LARP1: variants seen among roughly 807,000 people sequenced by gnomAD.
LARP1 encodes the protein La ribonucleoprotein 1, translational regulator.
In LARP1, 36 loss-of-function variants were observed where a neutral mutation model predicts 122.7. That is an observed-to-expected ratio of 0.29 (90% confidence interval 0.22 to 0.39). The LOEUF (loss-of-function observed/expected upper bound fraction) is 0.39, where lower values mean the gene tolerates loss of function less well. LARP1 is among the 10% of genes least tolerant of loss of function. The pLI, the probability that LARP1 is intolerant of heterozygous loss-of-function variation, is 1.00. For missense variants in LARP1, 1,040 were observed against 1,403.6 expected, an observed-to-expected ratio of 0.74 and a Z score of 4.14; for synonymous variants, 539 against 528.7, an observed-to-expected ratio of 1.02 and a Z score of -0.27.
chr5:154,721,718 C>T (rs1309325587), intron 1 of LARP1, among the ~76,000 whole-genome samples: 3 of 152,138 alleles, frequency 2.0e-5, no homozygotes, highest in African/African-American at 7.2e-5. Context: ...TTCTCATTTG[C>T]AAGACAGAGA....
chr5:154,798,714 G>A (rs968420612), intron 8 of LARP1, among the ~76,000 whole-genome samples: 27 of 152,226 alleles, frequency 1.8e-4, no homozygotes, highest in African/African-American at 6.5e-4. Context: ...GGCTGGTCTT[G>A]AACTCCTTTG....
At chr5:154,767,043 T>TC (rs1561581312) in intron 1 of LARP1, among the ~76,000 whole-genome samples, 1 of 152,184 alleles carries the variant, frequency 6.6e-6, no homozygotes, top group East Asian at 1.9e-4. Flanking sequence ...TTGAAACTGC[T>TC]CCCACTACAG....
At chr5:154,712,815 C>G (rs115384757), upstream of LARP1, 359 of 967,376 alleles carry the variant, frequency 3.7e-4, 1 homozygote, top group African/African-American at 5.2e-3. Context: ...GGAAGGAAAA[C>G]TAGCCTGGCA....
In LARP1 at chr5:154,793,803, C is replaced by T. The variant is rs151100873; in HGVS notation, c.872C>T (p.Ser291Phe). ...IPANRGEIKGSESATYVPVAP... is the reference protein window; with the variant it reads ...IPANRGEIKGFESATYVPVAP... The stretch of plus-strand genomic sequence containing the variant: ...CCTGGTACCCCTCTCCCCATAGGGT[C>T]TGAGTCTGCCACCTACGTGCCCGTG... The change falls in exon 6 of 19, where the codon TCT (serine) becomes TTT (phenylalanine). Residue 291 changes from serine (S) to phenylalanine (F), a missense_variant. By Grantham distance (155) the Ser-to-Phe change is radical (BLOSUM62 -2). Transcript: ENST00000518297. 4 of 1,614,056 alleles carry T rather than the reference C, an allele frequency of 2.5e-6. No homozygotes were observed. The African/African-American group carries it at 5.3e-5, about 22-fold the overall frequency.
At chr5:154,695,884 A>C (rs1754449638) in intron 1 of LARP1, among the ~76,000 whole-genome samples, 1 of 152,066 alleles carries the variant, frequency 6.6e-6, no homozygotes, top group Non-Finnish European at 1.5e-5. Flanking sequence ...AAAAAAAAAA[A>C]ATTACAATAT....
chr5:154,803,006 G>C lies in LARP1; in HGVS notation c.2110-284G>C, dbSNP rs922696772. Among the ~76,000 whole-genome samples the C allele has an allele frequency of 2.6e-5, 4 of 152,272 alleles. No individual in the cohort carries two copies. The highest frequency in any genetic ancestry group is 1.9e-4 in the East Asian group (1 of 5,174). The stretch of plus-strand genomic sequence containing the variant: ...GATGGGGAAACACTGGAGCTTTCAG[G>C]GGGGAGTGTGTAGTGAGTTCCTGAG... On this transcript the variant is annotated intron_variant, in intron 11 of 18. Coordinates refer to ENST00000518297, the MANE Select transcript of LARP1 (RefSeq NM_033551.3). The surrounding 1 kb of genome is among the most constrained non-coding windows in gnomAD (Gnocchi z 4.4).
intron 18 of LARP1, among the ~76,000 whole-genome samples, chr5:154,812,517 C>T (rs868129535): frequency 2.0e-5 from 1 of 50,430 alleles, no homozygotes; most frequent in Non-Finnish European, 3.7e-5. Context: ...CCCCCCCCCC[C>T]ACCCCCCCTT....
chr5:154,808,062 T>C (rs907046466), intron 15 of LARP1, among the ~76,000 whole-genome samples: 1 of 152,230 alleles, frequency 6.6e-6, no homozygotes, highest in Admixed American at 6.5e-5. Flanking sequence ...TATTACTGTT[T>C]TGTACTTGTG....
chr5:154,733,585 C>T (rs900888401), intron 1 of LARP1, among the ~76,000 whole-genome samples: 8 of 148,702 alleles, frequency 5.4e-5, no homozygotes, highest in Non-Finnish European at 1.5e-5. Flanking sequence ...TTTTTGGAGA[C>T]GGAGTCTCAC....
intron 1 of LARP1, among the ~76,000 whole-genome samples, chr5:154,765,765 C>T (rs780064906): frequency 6.6e-6 from 1 of 152,162 alleles, no homozygotes; most frequent in Non-Finnish European, 1.5e-5. Flanking sequence ...ATTCCCAGTA[C>T]CTGCAGCAGT....
At chr5:154,771,069 G>A (rs554619875) in intron 1 of LARP1, among the ~76,000 whole-genome samples, 18 of 149,954 alleles carry the variant, frequency 1.2e-4, no homozygotes, top group African/African-American at 4.2e-4. Context: ...CCAAGATCGC[G>A]CCACTGCCCT....
intron 1 of LARP1, among the ~76,000 whole-genome samples, chr5:154,764,760 C>T (rs1470891802): frequency 6.6e-6 from 1 of 151,658 alleles, no homozygotes. Context: ...CAAAAAGTAG[C>T]TGGGCGTCAT....
chr5:154,732,959 G>T (rs539681676), intron 1 of LARP1, among the ~76,000 whole-genome samples: 2 of 152,256 alleles, frequency 1.3e-5, no homozygotes, highest in African/African-American at 4.8e-5. Context: ...CCTGGGAGGA[G>T]GGTATGTGTC....
intron 1 of LARP1, among the ~76,000 whole-genome samples, chr5:154,693,554 C>A (rs1387400551): frequency 1.3e-5 from 2 of 152,052 alleles, no homozygotes; most frequent in Admixed American, 1.3e-4. Flanking sequence ...TTGAATTGCC[C>A]AGATGAAAGT....
At chr5:154,742,318 T>C (rs1212488004) in intron 1 of LARP1, among the ~76,000 whole-genome samples, 2 of 152,148 alleles carry the variant, frequency 1.3e-5, no homozygotes, top group Non-Finnish European at 1.5e-5. Flanking sequence ...TCCCAGCACA[T>C]TGGGAGGCCA....
intron 18 of LARP1, among the ~76,000 whole-genome samples, 193 bp from the exon 19 acceptor site, chr5:154,813,694 T>A (rs1376279849): frequency 6.6e-6 from 1 of 152,172 alleles, no homozygotes; most frequent in East Asian, 1.9e-4. Flanking sequence ...GCTGACCCCA[T>A]GAGAGAGTGT....
intron 1 of LARP1, among the ~76,000 whole-genome samples, chr5:154,747,684 A>T (rs186914122): frequency 6.6e-6 from 1 of 152,122 alleles, no homozygotes; most frequent in Admixed American, 6.5e-5. Context: ...TGGGCAACAA[A>T]AGCGAAAATC....
chr5:154,803,827 T>C lies in LARP1; in HGVS notation c.2439+82T>C. 2 of 1,395,756 alleles carry C rather than the reference T, an allele frequency of 1.4e-6. No homozygotes were observed. Among genetic ancestry groups the C allele is most frequent in the Non-Finnish European group, 2.0e-6 (2 of 995,900 alleles). 86.5% of individuals were successfully genotyped at this position (1,395,756 alleles called of 1,614,324 possible). On this transcript the variant is annotated intron_variant, in intron 13 of 18. Transcript: ENST00000518297. The surrounding 1 kb of genome is among the most constrained non-coding windows in gnomAD (Gnocchi z 4.4). ...TGCTTTGCTTCTCTCCCTTGCCTTG[T>C]CTGAGCTAAGGAAGTGCTAAATCCT... is the stretch of plus-strand genomic sequence containing the variant.
Position 154,792,628 on chromosome 5 carries a change from T to G in LARP1, c.571T>G (p.Ser191Ala), listed in dbSNP as rs749361121. 13 of 1,613,582 alleles carry G rather than the reference T, an allele frequency of 8.1e-6. 1 individual carries two copies. The Admixed American group carries it at 2.2e-4, about 27-fold the overall frequency. Residue 191 changes from serine (S) to alanine (A), a missense_variant, in exon 4 of 19, where the codon TCC (serine) becomes GCC (alanine). Ser to Ala is a moderately conservative substitution (Grantham distance 99, BLOSUM62 1). Coordinates refer to ENST00000518297, the MANE Select transcript of LARP1 (RefSeq NM_033551.3). ...ACTTTACTTCCTGCTATAGCCACAG[T>G]CCCACAAGCCTCAGCCTACCCGTAA... The part of the protein sequence containing the change: ...EIAHKSVQPQ[S>A]HKPQPTRKLP...
Sources: gnomAD v4.1 joint callset for allele counts (sites outside exome capture counted in the v4.1 genomes callset) on GRCh38, gnomAD v4.1.1 for gene constraint, Gnocchi (gnomAD v3.1) non-coding constraint, MANE v1.5 for transcripts, NCBI Gene and HGNC (gene_info 2026-07-23, HGNC 2026-07-21) for gene names.